AAMDC: variants seen among roughly 807,000 people sequenced by gnomAD.
AAMDC encodes the protein adipogenesis associated Mth938 domain containing, also known as mth938 domain-containing protein.
AAMDC carries 16 observed loss-of-function variants against 15.5 expected under a neutral mutation model. The ratio of observed to expected loss-of-function variants is 1.03; its 90% CI spans 0.70 to 1.57. The LOEUF (loss-of-function observed/expected upper bound fraction) is 1.57, where lower values mean the gene tolerates loss of function less well. Among genes scored for constraint, AAMDC ranks in the 40% most tolerant of loss-of-function variants. AAMDC has a pLI of 0.00. For missense variants in AAMDC, 141 were observed against 144.9 expected (o/e 0.97, Z 0.14); for synonymous variants, 51 against 51.6 (o/e 0.99, Z 0.05).
downstream of AAMDC, among the ~76,000 whole-genome samples, chr11:77,877,315 A>G (rs1415102203): frequency 2.0e-5 from 3 of 152,224 alleles, no homozygotes; most frequent in Non-Finnish European, 4.4e-5. Flanking sequence ...ACCTTAAACC[A>G]AAAGTTAAAA....
intron 1 of AAMDC, chr11:77,841,030 G>A: frequency 1.8e-6 from 1 of 567,764 alleles, no homozygotes; most frequent in Non-Finnish European, 3.1e-6. Flanking sequence ...TCTGGAGGCT[G>A]GGAAGTCCAA....
At chr11:77,832,531 G>A (rs796074964) in intron 1 of AAMDC, among the ~76,000 whole-genome samples, 2 of 152,054 alleles carry the variant, frequency 1.3e-5, no homozygotes, top group African/African-American at 4.8e-5. Context: ...TCTCCATGTT[G>A]GTCAGGCTGG....
At chr11:77,861,960 G>A (rs1284035170) in intron 2 of AAMDC, among the ~76,000 whole-genome samples, 1 of 152,348 alleles carries the variant, frequency 6.6e-6, no homozygotes, top group East Asian at 1.9e-4. Flanking sequence ...CTTCAGTACA[G>A]TCAGGTGACA....
intron 5 of AAMDC, chr11:77,878,575 A>C: frequency 1.9e-6 from 1 of 530,946 alleles, no homozygotes. Context: ...CACTTTAAGA[A>C]ATAAGACTAT....
intron 5 of AAMDC, among the ~76,000 whole-genome samples, chr11:77,899,443 G>A (rs1591029858): frequency 2.0e-5 from 3 of 152,074 alleles, no homozygotes; most frequent in South Asian, 2.1e-4. Flanking sequence ...AGGCCGAGTC[G>A]GGTGGATCAC....
chr11:77,829,323 G>A (rs1949317015), intron 1 of AAMDC, among the ~76,000 whole-genome samples: 1 of 152,150 alleles, frequency 6.6e-6, no homozygotes, highest in Non-Finnish European at 1.5e-5. Flanking sequence ...GGATATGCCA[G>A]CTCCAGAACT....
At chr11:77,889,335 G>T (rs1374461308) in intron 5 of AAMDC, among the ~76,000 whole-genome samples, 1 of 145,194 alleles carries the variant, frequency 6.9e-6, no homozygotes, top group South Asian at 2.2e-4. Context: ...TCATAGGTGG[G>T]AACTGAACAA....
At chr11:77,849,610 T>G (rs1193744451) in intron 2 of AAMDC, among the ~76,000 whole-genome samples, 3 of 152,066 alleles carry the variant, frequency 2.0e-5, no homozygotes, top group Non-Finnish European at 2.9e-5. Context: ...CCTTTTGCCT[T>G]GGCCTCCCAA....
At chr11:77,842,769 T>A in intron 2 of AAMDC, 141 bp downstream of exon 2, 1 of 1,193,534 alleles carries the variant, frequency 8.4e-7, no homozygotes, top group South Asian at 1.5e-5. Context: ...TTCACCCTTT[T>A]AAAGTATGCA....
At chr11:77,897,793 C>T (rs1952596537) in intron 5 of AAMDC, among the ~76,000 whole-genome samples, 1 of 151,984 alleles carries the variant, frequency 6.6e-6, no homozygotes. Context: ...GCGTTAGCCA[C>T]CGCACCCAGC....
chr11:77,849,038 CTT>C (rs200734294), intron 2 of AAMDC, among the ~76,000 whole-genome samples: 34 of 139,980 alleles, frequency 2.4e-4, no homozygotes, highest in Non-Finnish European at 2.2e-4. Context: ...AGTGGTGCTC[CTT>C]TTTTTTTTTT....
At chr11:77,897,601 T>C (rs1269214617) in intron 5 of AAMDC, among the ~76,000 whole-genome samples, 14 of 149,908 alleles carry the variant, frequency 9.3e-5, no homozygotes, top group Non-Finnish European at 1.9e-4. Context: ...CCTGGGTTCA[T>C]GCCATTCTCC....
intron 5 of AAMDC, among the ~76,000 whole-genome samples, chr11:77,900,122 T>C (rs979142735): frequency 6.6e-6 from 1 of 151,614 alleles, no homozygotes; most frequent in Non-Finnish European, 1.5e-5. Flanking sequence ...TATATAAAGA[T>C]GGAGTCTTGC....
chr11:77,879,175 A>G (rs1201517026), intron 5 of AAMDC: 1 of 1,596,976 alleles, frequency 6.3e-7, no homozygotes, highest in Non-Finnish European at 8.6e-7. Context: ...AACTGCTAGG[A>G]ATGAGGATGA....
intron 1 of AAMDC, among the ~76,000 whole-genome samples, chr11:77,838,821 T>G (rs1949806509): frequency 6.6e-6 from 1 of 151,974 alleles, no homozygotes; most frequent in Non-Finnish European, 1.5e-5. Flanking sequence ...TTTCACCGTG[T>G]TAGCCAGGAT....
At chr11:77,821,914 ACTC>A (rs1948924745) in intron 1 of AAMDC, among the ~76,000 whole-genome samples, 1 of 152,024 alleles carries the variant, frequency 6.6e-6, no homozygotes, top group African/African-American at 2.4e-5. Flanking sequence ...ATTTCTTTGA[ACTC>A]CTTAGAGTGG....
chr11:77,863,428 A>C (rs1950970738), intron 2 of AAMDC, among the ~76,000 whole-genome samples: 2 of 152,156 alleles, frequency 1.3e-5, no homozygotes, highest in South Asian at 4.1e-4. Flanking sequence ...TGCAAGATTT[A>C]AGAGTGAAAA....
chr11:77,894,587 T>C (rs1330912076), intron 5 of AAMDC, among the ~76,000 whole-genome samples: 3 of 152,018 alleles, frequency 2.0e-5, no homozygotes, highest in African/African-American at 7.3e-5. Flanking sequence ...AATCAAAGAG[T>C]ATCACAGGCT....
downstream of AAMDC, among the ~76,000 whole-genome samples, chr11:77,874,440 G>A (rs905244586): frequency 6.6e-6 from 1 of 151,182 alleles, no homozygotes; most frequent in Non-Finnish European, 1.5e-5. Context: ...CAGTGTGGGT[G>A]TAATCATTCT....
Sources: gnomAD v4.1 joint callset for allele counts (sites outside exome capture counted in the v4.1 genomes callset) on GRCh38, gnomAD v4.1.1 for gene constraint, MANE v1.5 for transcripts, NCBI Gene and HGNC (gene_info 2026-07-23, HGNC 2026-07-21) for gene names.